The following DHRS7B variants were observed in gnomAD, a reference collection of about 807,000 sequenced individuals.
The protein encoded by DHRS7B is peroxisomal reductase activating PPAR-gamma.
In DHRS7B, 24 loss-of-function variants were observed where a neutral mutation model predicts 26.4. The observed-to-expected ratio is 0.91, with a 90% CI of 0.66 to 1.28. DHRS7B has a LOEUF of 1.28. Among genes scored for constraint, DHRS7B ranks in the 50% most tolerant of loss-of-function variants. The pLI, the probability that DHRS7B is intolerant of heterozygous loss-of-function variation, is 0.00. For synonymous variants in DHRS7B, 142 were observed against 166.4 expected (o/e 0.85, Z 1.13); for missense variants, 368 against 419.4 (o/e 0.88, Z 1.07).
At chr17:21,148,725 G>A (rs557404011) in intron 1 of DHRS7B, among the ~76,000 whole-genome samples, 44 of 152,162 alleles carry the variant, frequency 2.9e-4, no homozygotes, top group African/African-American at 9.9e-4. Context: ...CAGCCTAGGC[G>A]ACAGAGCGAG....
intron 1 of DHRS7B, among the ~76,000 whole-genome samples, chr17:21,147,219 C>T (rs547525828): frequency 3.9e-5 from 6 of 152,106 alleles, no homozygotes; most frequent in Admixed American, 6.6e-5. Context: ...ACATTTTAAA[C>T]GCTGCCACTG....
At chr17:21,145,565 T>G (rs894166046) in intron 1 of DHRS7B, among the ~76,000 whole-genome samples, 10 of 152,212 alleles carry the variant, frequency 6.6e-5, no homozygotes, top group African/African-American at 1.9e-4. Flanking sequence ...TAAGGAGAGA[T>G]AAAGAAATTT....
At chr17:21,165,845 G>T (rs1974099057) in intron 1 of DHRS7B, among the ~76,000 whole-genome samples, 1 of 151,044 alleles carries the variant, frequency 6.6e-6, no homozygotes, top group Admixed American at 6.6e-5. Context: ...GAACCCAGGA[G>T]GTGGAGGTTG....
At chr17:21,138,659 T>C (rs1287954270) in intron 1 of DHRS7B, among the ~76,000 whole-genome samples, 2 of 152,208 alleles carry the variant, frequency 1.3e-5, no homozygotes, top group African/African-American at 2.4e-5. Context: ...TAAAACTTTC[T>C]TTACATCTCT....
chr17:21,137,949 G>A (rs1269055718), intron 1 of DHRS7B, among the ~76,000 whole-genome samples: 1 of 150,366 alleles, frequency 6.7e-6, no homozygotes, highest in Non-Finnish European at 1.5e-5. Context: ...AGCCAGGGTG[G>A]TCTCGATCTC....
intron 1 of DHRS7B, among the ~76,000 whole-genome samples, chr17:21,155,240 T>C (rs146651446): frequency 6.6e-6 from 1 of 152,312 alleles, no homozygotes; most frequent in East Asian, 1.9e-4. Flanking sequence ...ATATGTTGTC[T>C]ACCAGAAACC....
chr17:21,156,964 C>T (rs757072123), intron 1 of DHRS7B, among the ~76,000 whole-genome samples: 1 of 149,288 alleles, frequency 6.7e-6, no homozygotes, highest in Non-Finnish European at 1.5e-5. Context: ...TTCTTGATAA[C>T]CTAGATGAAA....
At chr17:21,127,326 T>G (rs1973122209) in intron 1 of DHRS7B, 1 of 326,344 alleles carries the variant, frequency 3.1e-6, no homozygotes, top group Non-Finnish European at 5.6e-6. Flanking sequence ...TTCAACCTGT[T>G]TATTCCCACA....
At chr17:21,183,885 C>A in intron 4 of DHRS7B, 75 bp downstream of exon 4, 1 of 1,290,632 alleles carries the variant, frequency 7.7e-7, no homozygotes, top group Non-Finnish European at 1.1e-6. Flanking sequence ...TCCTTTTCAG[C>A]TAAACGTTCC....
chr17:21,157,450 C>T (rs1465635521), intron 1 of DHRS7B, among the ~76,000 whole-genome samples: 2 of 152,150 alleles, frequency 1.3e-5, no homozygotes, highest in Admixed American at 6.6e-5. Context: ...AATCCCAGCA[C>T]GTTGGGAGGG....
intron 5 of DHRS7B, among the ~76,000 whole-genome samples, chr17:21,187,453 G>A (rs1483019900): frequency 6.6e-6 from 1 of 151,766 alleles, no homozygotes; most frequent in Non-Finnish European, 1.5e-5. Context: ...GTGAAACCCC[G>A]TCTCTACTAA....
intron 1 of DHRS7B, among the ~76,000 whole-genome samples, chr17:21,160,747 A>G (rs1422001940): frequency 2.6e-5 from 4 of 152,230 alleles, no homozygotes; most frequent in South Asian, 2.1e-4. Context: ...CTGAAAACCT[A>G]TATCTACTCA....
At chr17:21,145,756 G>T (rs1973629978) in intron 1 of DHRS7B, among the ~76,000 whole-genome samples, 1 of 152,160 alleles carries the variant, frequency 6.6e-6, no homozygotes, top group South Asian at 2.1e-4. Context: ...TTATAAAATA[G>T]GTTTATCTGA....
chr17:21,140,022 CTTTTTTT>C (rs201900387), intron 1 of DHRS7B, among the ~76,000 whole-genome samples: 64 of 106,684 alleles, frequency 6.0e-4, no homozygotes, highest in Admixed American at 1.1e-3. Context: ...CTTTCAGATT[CTTTTTTT>C]TTTTTTTTTT....
In DHRS7B at chr17:21,188,841, C is replaced by T. The variant is rs550494048; in HGVS notation, c.750C>T (p.Thr250=). The change falls in exon 6 of 7, where the codon ACC becomes ACT. Residue 250 remains threonine (T), a synonymous_variant. Coordinates refer to ENST00000395511, the MANE Select transcript of DHRS7B (RefSeq NM_015510.5). ...IHTNLSVNAI[T]ADGSRYGVMD... ...CCAACCTCTCTGTAAATGCCATCACCGCGGATGGATCTAGGTATGGAGGTG... is the reference window on the plus strand; with the variant it reads ...CCAACCTCTCTGTAAATGCCATCACTGCGGATGGATCTAGGTATGGAGGTG... 10 of 1,614,198 alleles carry T rather than the reference C, an allele frequency of 6.2e-6. No individual in the cohort carries two copies. The highest frequency in any genetic ancestry group is 1.6e-4 in the Middle Eastern group (1 of 6,062).
At chr17:21,171,327 CT>C (rs1311554448) in intron 1 of DHRS7B, among the ~76,000 whole-genome samples, 3 of 152,268 alleles carry the variant, frequency 2.0e-5, no homozygotes, top group African/African-American at 7.2e-5. Flanking sequence ...CTCATACAGC[CT>C]CCAGATTTCA....
intron 2 of DHRS7B, among the ~76,000 whole-genome samples, chr17:21,176,792 A>C (rs1249927000): frequency 6.6e-6 from 1 of 151,938 alleles, no homozygotes; most frequent in Non-Finnish European, 1.5e-5. Context: ...AAGCATCCTA[A>C]ATAAGAGGAA....
At chr17:21,152,166 A>AT (rs1567620434) in intron 1 of DHRS7B, among the ~76,000 whole-genome samples, 1 of 151,718 alleles carries the variant, frequency 6.6e-6, no homozygotes, top group Non-Finnish European at 1.5e-5. Flanking sequence ...TTTTATTTTT[A>AT]TTTTTTGAGA....
At chr17:21,154,363 G>A (rs1973835501) in intron 1 of DHRS7B, among the ~76,000 whole-genome samples, 1 of 151,700 alleles carries the variant, frequency 6.6e-6, no homozygotes, top group Admixed American at 6.6e-5. Context: ...AATGAGAAGA[G>A]AATGGTGTGA....
Sources: gnomAD v4.1 joint callset for allele counts (sites outside exome capture counted in the v4.1 genomes callset) on GRCh38, gnomAD v4.1.1 for gene constraint, MANE v1.5 for transcripts, NCBI Gene and HGNC (gene_info 2026-07-23, HGNC 2026-07-21) for gene names.